The following ANKS1B variants were observed in gnomAD, a reference collection of about 807,000 sequenced individuals.
The protein encoded by ANKS1B is ankyrin repeat and sterile alpha motif domain-containing protein 1B.
In ANKS1B, 36 loss-of-function variants were observed where a neutral mutation model predicts 148.3. The observed-to-expected ratio is 0.24, with a 90% CI of 0.19 to 0.32. The LOEUF is 0.32. Among genes scored for constraint, ANKS1B ranks in the 10% least tolerant of loss-of-function variants. The pLI, the probability that ANKS1B is intolerant of heterozygous loss-of-function variation, is 1.00. For synonymous variants in ANKS1B, 542 were observed against 560.8 expected (o/e 0.97, Z 0.47); for missense variants, 1,157 against 1,542.6 (o/e 0.75, Z 4.19).
chr12:99,830,139 A>G (rs886105546), intron 1 of ANKS1B, among the ~76,000 whole-genome samples: 2 of 152,214 alleles, frequency 1.3e-5, no homozygotes, highest in Non-Finnish European at 2.9e-5. Context: ...CCAAGTTCTA[A>G]GTCCAAGAAA....
Position 98,839,917 on chromosome 12 carries a change from ACT to A in ANKS1B, c.2779-7783_2779-7782del, listed in dbSNP as rs1162052154. ...TGATACATCCTGGTGGGTATAGCTAACTCTCTTTTTTTTGCGTATGTGTCTTA... is the reference window on the plus strand; with the variant it reads ...TGATACATCCTGGTGGGTATAGCTAACTCTTTTTTTTGCGTATGTGTCTTA... On this transcript the variant is annotated intron_variant, in intron 17 of 26. Transcript: ENST00000683438. 2.6e-5 allele frequency among the ~76,000 whole-genome samples: 4 copies of A among 152,070 alleles called. No homozygotes were observed. The East Asian group carries it at 7.8e-4, about 29-fold the overall frequency.
intron 14 of ANKS1B, among the ~76,000 whole-genome samples, chr12:99,166,867 A>G (rs917162174): frequency 2.0e-5 from 3 of 152,038 alleles, no homozygotes; most frequent in African/African-American, 7.2e-5. Flanking sequence ...AACACTTATT[A>G]TAAAGACATG....
At chr12:99,018,978 T>C (rs2099944160) in intron 17 of ANKS1B, among the ~76,000 whole-genome samples, 1 of 152,176 alleles carries the variant, frequency 6.6e-6, no homozygotes, top group Admixed American at 6.5e-5. Flanking sequence ...TGGCAACATG[T>C]TGCTATATAG....
In ANKS1B at chr12:99,577,739, A is replaced by T. The variant is rs56708967; in HGVS notation, c.1273-73098T>A. On this transcript the variant is annotated intron_variant, in intron 9 of 26. Coordinates refer to ENST00000683438, the MANE Select transcript of ANKS1B (RefSeq NM_001352186.2). ...GAATCTGTAATAATAAAAATAATAA[A>T]CCCTACCAACAGAAAAAGCCCTGGA... is the stretch of plus-strand genomic sequence containing the variant. Among the ~76,000 whole-genome samples, 662 of 152,006 alleles carry T rather than the reference A, an allele frequency of 4.4e-3. 36 individuals carry two copies. The East Asian group carries it at 0.1, about 24-fold the overall frequency.
chr12:99,548,749 C>T (rs1371574140), intron 9 of ANKS1B, among the ~76,000 whole-genome samples: 2 of 152,006 alleles, frequency 1.3e-5, no homozygotes, highest in Non-Finnish European at 2.9e-5. Context: ...TTTGTTTTTG[C>T]TAAATATATT....
intron 17 of ANKS1B, among the ~76,000 whole-genome samples, chr12:98,896,930 C>T (rs2099765500): frequency 6.6e-6 from 1 of 152,152 alleles, no homozygotes; most frequent in Non-Finnish European, 1.5e-5. Flanking sequence ...ATATTGTTCT[C>T]TGATAACAAT....
intron 12 of ANKS1B, among the ~76,000 whole-genome samples, chr12:99,249,509 T>G (rs2074295344): frequency 6.6e-6 from 1 of 152,210 alleles, no homozygotes; most frequent in African/African-American, 2.4e-5. Context: ...ATAGCAGTTC[T>G]TAGCATTGTG....
At chr12:98,946,887 C>T (rs1252547173) in intron 17 of ANKS1B, among the ~76,000 whole-genome samples, 4 of 131,172 alleles carry the variant, frequency 3.0e-5, no homozygotes, top group Non-Finnish European at 4.6e-5. Context: ...CGGCAGTGAG[C>T]TATGATTGAG....
At chr12:99,224,566 C>T (rs944462433) in intron 14 of ANKS1B, among the ~76,000 whole-genome samples, 6 of 152,082 alleles carry the variant, frequency 3.9e-5, no homozygotes, top group Non-Finnish European at 7.4e-5. Flanking sequence ...CTTTGCCTTC[C>T]GTCATGAGTA....
chr12:99,356,831 A>G (rs1255059500), intron 12 of ANKS1B, among the ~76,000 whole-genome samples: 1 of 152,154 alleles, frequency 6.6e-6, no homozygotes, highest in Non-Finnish European at 1.5e-5. Context: ...TTTACTAGAG[A>G]GAATTTTGGA....
downstream of ANKS1B, chr12:98,743,826 T>G (rs2097825691): frequency 4.9e-6 from 1 of 202,112 alleles, no homozygotes; most frequent in Non-Finnish European, 8.8e-6. Context: ...TTTCTCAGAC[T>G]GGTTGAACTT....
At position 99,800,441 on chromosome 12, in the gene ANKS1B, C is replaced by CAA. The variant is rs138056927; in HGVS notation, c.669+5961_669+5962dup. Among the ~76,000 whole-genome samples, 579 of 86,726 alleles carry CAA rather than the reference C, an allele frequency of 6.7e-3. 9 individuals are homozygous for CAA. The highest frequency in any genetic ancestry group is 0.022 in the African/African-American group (516 of 23,384). 56.9% of individuals were successfully genotyped at this position (86,726 alleles called of 152,430 possible). ...CAACCTAAGCAGACAATACAGAAGC[C>CAA]AAAAAAAAAAAAAAAAAAAACGGAG... On this transcript the variant is annotated intron_variant, in intron 4 of 26. Transcript: ENST00000683438.
At position 99,187,478 on chromosome 12, in the gene ANKS1B, C is replaced by T. The variant is rs558217222; in HGVS notation, c.2420-33083G>A. ...TACCCACAAAGGGAATCTGATAAGA[C>T]TAACAACGTATCTGTCTGCAGAAAC... On this transcript the variant is annotated intron_variant, in intron 14 of 26. Coordinates refer to ENST00000683438, the MANE Select transcript of ANKS1B (RefSeq NM_001352186.2). Among the ~76,000 whole-genome samples, 4 of 152,272 alleles carry T rather than the reference C, an allele frequency of 2.6e-5. No homozygotes were observed. In the South Asian group the frequency reaches 8.3e-4, roughly 32 times the overall value.
chr12:99,896,550 T>G (rs2153752175), intron 1 of ANKS1B, among the ~76,000 whole-genome samples: 1 of 151,316 alleles, frequency 6.6e-6, no homozygotes, highest in South Asian at 2.1e-4. Flanking sequence ...AGAAAACCTC[T>G]TTCTTTTTGC....
chr12:99,478,903 T>C (rs192793481), intron 10 of ANKS1B, among the ~76,000 whole-genome samples: 15 of 152,252 alleles, frequency 9.9e-5, no homozygotes, highest in Middle Eastern at 3.4e-3. Context: ...TATGTAACTT[T>C]AAATTTTCTA....
intron 17 of ANKS1B, among the ~76,000 whole-genome samples, chr12:98,888,225 G>A (rs2152609316): frequency 6.6e-6 from 1 of 152,242 alleles, no homozygotes; most frequent in Non-Finnish European, 1.5e-5. Flanking sequence ...ATTTTGGATG[G>A]TGAGAACTAT....
chr12:99,842,268 T>G (rs775890787), intron 1 of ANKS1B, among the ~76,000 whole-genome samples: 22 of 152,192 alleles, frequency 1.4e-4, no homozygotes, highest in Non-Finnish European at 2.5e-4. Flanking sequence ...TATGTCTTGC[T>G]CTATTTCTAG....
chr12:99,255,741 C>T (rs752392984), intron 12 of ANKS1B, among the ~76,000 whole-genome samples: 61 of 151,948 alleles, frequency 4.0e-4, no homozygotes, highest in Non-Finnish European at 7.7e-4. Flanking sequence ...TATTTAGAAA[C>T]GTGTATTTAA....
In ANKS1B at chr12:99,526,710, C is replaced by T. The variant is rs186238017; in HGVS notation, c.1273-22069G>A. ...AATTTAACATTTGAAAACAAAAAATCTCAACAACAAAGTTCTGAGAAACCA... is the reference window on the plus strand; with the variant it reads ...AATTTAACATTTGAAAACAAAAAATTTCAACAACAAAGTTCTGAGAAACCA... On this transcript the variant is annotated intron_variant, in intron 9 of 26. Transcript: ENST00000683438. Among the ~76,000 whole-genome samples the T allele has an allele frequency of 1.5e-3, 225 of 152,236 alleles. 3 individuals carry two copies. Among genetic ancestry groups the T allele is most frequent in the Non-Finnish European group, 6.8e-4 (46 of 68,012 alleles).
Sources: gnomAD v4.1 joint callset for allele counts (sites outside exome capture counted in the v4.1 genomes callset) on GRCh38, gnomAD v4.1.1 for gene constraint, MANE v1.5 for transcripts, NCBI Gene and HGNC (gene_info 2026-07-23, HGNC 2026-07-21) for gene names.